Variants in TMEM244 observed in about 807,000 individuals in gnomAD.
TMEM244 encodes the protein transmembrane protein 244, also known as putative transmembrane protein 244.
A neutral mutation model predicts 15.8 loss-of-function variants in TMEM244; 13 were observed. That is an observed-to-expected ratio of 0.82 (90% CI 0.53 to 1.30). TMEM244 has a LOEUF of 1.30. Among genes scored for constraint, TMEM244 ranks in the 50% most tolerant of loss-of-function variants. The pLI, the probability that TMEM244 is intolerant of heterozygous loss-of-function variation, is 0.00. For missense variants in TMEM244, 161 were observed against 144.9 expected, an observed-to-expected ratio of 1.11 and a Z score of -0.57; for synonymous variants, 45 against 48.7, an observed-to-expected ratio of 0.92 and a Z score of 0.32.
intron 1 of TMEM244, among the ~76,000 whole-genome samples, chr6:129,859,969 A>G (rs778618392): frequency 1.3e-5 from 2 of 152,228 alleles, no homozygotes; most frequent in African/African-American, 2.4e-5. Flanking sequence ...GAATTCAGAT[A>G]GTCAACAACC....
rs1050736939 is a variant in TMEM244 at position 129,861,314 on chromosome 6, G to A, written c.-126C>T. 13 of 1,101,010 alleles carry A rather than the reference G, an allele frequency of 1.2e-5. No homozygotes were observed. The highest frequency in any genetic ancestry group is 4.8e-5 in the African/African-American group (3 of 63,094). The allele number at this position is 1,101,010 out of a possible 1,614,324, so 68.2% of individuals were successfully genotyped here. Reference sequence around the variant, plus strand: ...TGGAGACTAAGTGTGAGACGCAGTAGTGCAGGATGATTGGATTACGCAAAA... The same window carrying A: ...TGGAGACTAAGTGTGAGACGCAGTAATGCAGGATGATTGGATTACGCAAAA... On this transcript the variant is annotated 5_prime_UTR_variant, in exon 1 of 5. Coordinates refer to ENST00000368143, the MANE Select transcript of TMEM244 (RefSeq NM_001010876.2).
At chr6:129,838,906 A>AT (rs1284727903) in intron 3 of TMEM244, among the ~76,000 whole-genome samples, 12 of 152,176 alleles carry the variant, frequency 7.9e-5, no homozygotes, top group Admixed American at 6.5e-4. Flanking sequence ...GAATAGACCA[A>AT]TAACAGGTTC....
intron 1 of TMEM244, among the ~76,000 whole-genome samples, chr6:129,848,977 A>G (rs568530998): frequency 1.2e-3 from 176 of 152,172 alleles, no homozygotes; most frequent in African/African-American, 3.6e-3. Flanking sequence ...TAACATTTTA[A>G]TTTTTTAATA....
rs1196050565 is a variant in TMEM244 at position 129,850,440 on chromosome 6, A to G, written c.34-4588T>C. On this transcript the variant is annotated intron_variant, in intron 1 of 4. Transcript: ENST00000368143. ...GAGGACAGGTATGTGAACTATTAAG[A>G]AAACAGAATGGATAACTTGTGGGGG... Among the ~76,000 whole-genome samples, 4 of 152,318 alleles carry G rather than the reference A, an allele frequency of 2.6e-5. No individual in the cohort carries two copies. The East Asian group carries it at 7.7e-4, about 29-fold the overall frequency.
intron 1 of TMEM244, among the ~76,000 whole-genome samples, chr6:129,847,867 C>G (rs556848043): frequency 3.3e-5 from 5 of 151,308 alleles, no homozygotes; most frequent in Non-Finnish European, 7.4e-5. Context: ...CTCGGTCTCC[C>G]GGGTTCAAGC....
intron 4 of TMEM244, among the ~76,000 whole-genome samples, chr6:129,833,114 A>AATTTAT (rs1776353643): frequency 6.6e-6 from 1 of 152,198 alleles, no homozygotes; most frequent in Non-Finnish European, 1.5e-5. Flanking sequence ...TACCAATGTT[A>AATTTAT]ATTTATTAGT....
intron 1 of TMEM244, among the ~76,000 whole-genome samples, chr6:129,846,946 CA>C (rs1249100142): frequency 6.6e-6 from 1 of 152,018 alleles, no homozygotes; most frequent in South Asian, 2.1e-4. Flanking sequence ...AACTTCTAAA[CA>C]AAAAAATCCC....
chr6:129,839,422 C>T (rs542006189), intron 3 of TMEM244, among the ~76,000 whole-genome samples: 15 of 152,224 alleles, frequency 9.9e-5, no homozygotes, highest in African/African-American at 2.9e-4. Context: ...ATTGATGGAA[C>T]GCGTCTCAAA....
At chr6:129,837,597 G>A (rs1449235513) in intron 3 of TMEM244, among the ~76,000 whole-genome samples, 2 of 152,114 alleles carry the variant, frequency 1.3e-5, no homozygotes, top group Admixed American at 6.5e-5. Flanking sequence ...ATGTAAATGG[G>A]CTAAATGCCC....
intron 1 of TMEM244, among the ~76,000 whole-genome samples, chr6:129,850,614 A>G (rs370683734): frequency 6.6e-6 from 1 of 152,190 alleles, no homozygotes; most frequent in Non-Finnish European, 1.5e-5. Context: ...CAGAAACACA[A>G]TGCAAGCCAC....
intron 3 of TMEM244, among the ~76,000 whole-genome samples, chr6:129,836,250 C>T (rs922589564): frequency 8.5e-5 from 13 of 152,128 alleles, no homozygotes; most frequent in Non-Finnish European, 1.8e-4. Flanking sequence ...TGTTCTGCAG[C>T]CTCCACTGGT....
At chr6:129,850,808 T>C (rs1224534361) in intron 1 of TMEM244, among the ~76,000 whole-genome samples, 1 of 152,194 alleles carries the variant, frequency 6.6e-6, no homozygotes, top group Non-Finnish European at 1.5e-5. Context: ...AAAAGGTAAT[T>C]TATTTACAAG....
At chr6:129,848,971 A>G (rs550186553) in intron 1 of TMEM244, among the ~76,000 whole-genome samples, 3 of 152,202 alleles carry the variant, frequency 2.0e-5, no homozygotes, top group African/African-American at 7.2e-5. Context: ...TTCAAATAAC[A>G]TTTTAATTTT....
chr6:129,854,371 A>C (rs997301224), intron 1 of TMEM244, among the ~76,000 whole-genome samples: 14 of 152,242 alleles, frequency 9.2e-5, no homozygotes, highest in African/African-American at 3.4e-4. Context: ...TTTGCTGCAC[A>C]GTGAGAGAGT....
chr6:129,833,572 T>C lies in TMEM244; in HGVS notation c.207A>G (p.Ser69=). 1 of 1,611,826 alleles carries C rather than the reference T, an allele frequency of 6.2e-7. No individual in the cohort carries two copies. Among genetic ancestry groups the C allele is most frequent in the Non-Finnish European group, 8.5e-7 (1 of 1,179,070 alleles). The change falls in exon 4 of 5, where the codon TCA becomes TCG. Residue 69 remains serine, a synonymous_variant. Coordinates refer to ENST00000368143, the MANE Select transcript of TMEM244 (RefSeq NM_001010876.2). ...LNINYKVLLV[S]TEVTYFVCGL... ...CACAAACAAAGTAGGTGACCTCTGT[T>C]GAAACTAAAAGAACTGCAAATACAA...
intron 1 of TMEM244, among the ~76,000 whole-genome samples, chr6:129,848,868 A>G (rs1776598537): frequency 6.6e-6 from 1 of 152,178 alleles, no homozygotes; most frequent in Admixed American, 6.5e-5. Context: ...GATTGCTTTC[A>G]TTTCAATCCA....
At chr6:129,846,881 C>T (rs184649139) in intron 1 of TMEM244, among the ~76,000 whole-genome samples, 1 of 152,210 alleles carries the variant, frequency 6.6e-6, no homozygotes, top group East Asian at 1.9e-4. Flanking sequence ...AGAAGCACTG[C>T]AGATTAATGA....
intron 1 of TMEM244, among the ~76,000 whole-genome samples, chr6:129,854,220 T>C (rs146119884): frequency 4.5e-4 from 69 of 152,254 alleles, no homozygotes; most frequent in Non-Finnish European, 7.4e-4. Context: ...ATTCAAAGAA[T>C]ATAAGTTGTT....
At chr6:129,849,734 C>T (rs966261434) in intron 1 of TMEM244, among the ~76,000 whole-genome samples, 2 of 152,060 alleles carry the variant, frequency 1.3e-5, no homozygotes, top group Non-Finnish European at 2.9e-5. Context: ...CCTATTACCA[C>T]ACTTTGAGAA....
Sources: gnomAD v4.1 joint callset for allele counts (sites outside exome capture counted in the v4.1 genomes callset) on GRCh38, gnomAD v4.1.1 for gene constraint, MANE v1.5 for transcripts, NCBI Gene and HGNC (gene_info 2026-07-23, HGNC 2026-07-21) for gene names.